The following HERC2 variants were observed in gnomAD, a reference collection of about 807,000 sequenced individuals.
The protein encoded by HERC2 is HECT and RLD domain containing E3 ubiquitin protein ligase 2, also known as E3 ubiquitin-protein ligase HERC2.
A neutral mutation model predicts 537.7 loss-of-function variants in HERC2; 102 were observed. That is an observed-to-expected ratio of 0.19 (90% confidence interval 0.16 to 0.22). HERC2 has a LOEUF of 0.22. Among genes scored for constraint, HERC2 ranks in the 10% least tolerant of loss-of-function variants. The pLI, the probability that HERC2 is intolerant of heterozygous loss-of-function variation, is 1.00. For synonymous variants in HERC2, 2,224 were observed against 2,466.2 expected (o/e 0.90, Z 2.91); for missense variants, 4,236 against 6,198.2 (o/e 0.68, Z 10.63).
At position 28,111,810 on chromosome 15, in the gene HERC2, C is replaced by T. The variant is rs933969761; in HGVS notation, c.14458G>A (p.Asp4820Asn). 21 of 1,614,042 alleles carry T rather than the reference C, an allele frequency of 1.3e-5. No individual in the cohort carries two copies. Among genetic ancestry groups the T allele is most frequent in the South Asian group, 2.2e-5 (2 of 91,088 alleles). Reference sequence around the variant, plus strand: ...TGTGTAGAGTCCGAAGCAAAGGAGTCGACATCCTCGTTATCTGAATCGTCG... The same window carrying T: ...TGTGTAGAGTCCGAAGCAAAGGAGTTGACATCCTCGTTATCTGAATCGTCG... ...SSDDSDNEDV[D>N]SFASDSTQDY... Residue 4820 changes from aspartate (D) to asparagine (N), a missense_variant, in exon 93 of 93, where the codon GAC becomes AAC. Asp to Asn is a conservative substitution (Grantham distance 23, BLOSUM62 1). Coordinates refer to ENST00000261609, the MANE Select transcript of HERC2 (RefSeq NM_004667.6).
chr15:28,216,655 C>T (rs1458029418), intron 38 of HERC2, among the ~76,000 whole-genome samples: 38 of 151,072 alleles, frequency 2.5e-4, no homozygotes, highest in East Asian at 9.7e-4. Flanking sequence ...CCCTCATATG[C>T]ATCCTCACAC....
At chr15:28,229,125 A>T in intron 34 of HERC2, 70 bp downstream of exon 34, 1 of 1,359,076 alleles carries the variant, frequency 7.4e-7, no homozygotes. Context: ...AAAAATTGGC[A>T]TTTGCAAGTT....
At chr15:28,282,598 T>C (rs915964602) in intron 4 of HERC2, among the ~76,000 whole-genome samples, 10 of 152,080 alleles carry the variant, frequency 6.6e-5, no homozygotes, top group Admixed American at 2.6e-4. Context: ...ATCAGTGACA[T>C]AGAAGATAGA....
chr15:28,208,026 C>G (rs192738215), intron 44 of HERC2, among the ~76,000 whole-genome samples: 1 of 152,212 alleles, frequency 6.6e-6, no homozygotes, highest in African/African-American at 2.4e-5. Context: ...GCTGTCACTG[C>G]TCATTGGGCT....
chr15:28,289,877 A>C (rs2076265630), intron 4 of HERC2, among the ~76,000 whole-genome samples: 1 of 152,116 alleles, frequency 6.6e-6, no homozygotes, highest in African/African-American at 2.4e-5. Context: ...AGGACGACAC[A>C]TCTGAGAGGA....
At chr15:28,118,533 T>C (rs1046028654) in intron 86 of HERC2, 1 of 152,268 alleles carries the variant, frequency 6.6e-6, no homozygotes, top group Non-Finnish European at 1.5e-5. Flanking sequence ...TATGTAGTGA[T>C]GTTCAGATCC....
chr15:28,291,935 A>G (rs2076325818), intron 4 of HERC2, among the ~76,000 whole-genome samples: 1 of 126,058 alleles, frequency 7.9e-6, no homozygotes, highest in South Asian at 2.5e-4. Flanking sequence ...AAAAAAAAAA[A>G]GAGGCAAAAG....
intron 69 of HERC2, among the ~76,000 whole-genome samples, chr15:28,158,456 C>G (rs1173059578): frequency 2.0e-5 from 3 of 152,162 alleles, no homozygotes; most frequent in African/African-American, 7.2e-5. Context: ...ATAGTTAGTT[C>G]TTCTTATTGA....
At chr15:28,175,345 A>G (rs746530796) in intron 64 of HERC2, among the ~76,000 whole-genome samples, 167 bp downstream of exon 64, 37 of 152,042 alleles carry the variant, frequency 2.4e-4, no homozygotes, top group Non-Finnish European at 4.3e-4. Context: ...GCAGGCAGAT[A>G]CACCAGTGGG....
rs1903667755 is a variant in HERC2, at chr15:28,245,937, A to C, written c.3521T>G (p.Leu1174Arg). 1 of 1,614,054 alleles carries C rather than the reference A, an allele frequency of 6.2e-7. No homozygotes were observed. Among genetic ancestry groups the C allele is most frequent in the Non-Finnish European group, 8.5e-7 (1 of 1,180,032 alleles). ...LLEHLDRFNH[L>R]APGKERDDHE... ...ATCATCCCGTTCCTTTCCTGGTGCC[A>C]GATGGTTGAACCGATCCAGATGTTC... The change falls in exon 23 of 93, where the codon CTG becomes CGG. Residue 1174 changes from leucine (L) to arginine (R), a missense_variant. This residue lies in a region of HERC2 where 754 missense variants were observed against 1,085.0 expected (regional missense o/e 0.69). Coordinates refer to ENST00000261609, the MANE Select transcript of HERC2 (RefSeq NM_004667.6).
At chr15:28,293,492 CAAAAAAAA>C (rs34632582) in intron 3 of HERC2, among the ~76,000 whole-genome samples, 1 of 88,346 alleles carries the variant, frequency 1.1e-5, no homozygotes, top group Non-Finnish European at 2.5e-5. Flanking sequence ...GACTCTGTCT[CAAAAAAAA>C]AAAAAAAAAA....
intron 79 of HERC2, among the ~76,000 whole-genome samples, chr15:28,134,412 AAGAC>A (rs1198905539): frequency 6.6e-6 from 1 of 152,188 alleles, no homozygotes; most frequent in Non-Finnish European, 1.5e-5. Context: ...TTCTGCAAAA[AAGAC>A]AGTTTTAATT....
intron 4 of HERC2, among the ~76,000 whole-genome samples, chr15:28,280,987 G>A (rs190944264): frequency 6.6e-6 from 1 of 151,956 alleles, no homozygotes; most frequent in African/African-American, 2.4e-5. Flanking sequence ...CTCCTAAACA[G>A]AGAAAAACAC....
At chr15:28,307,464 T>C (rs988846527) in intron 2 of HERC2, among the ~76,000 whole-genome samples, 1 of 152,228 alleles carries the variant, frequency 6.6e-6, no homozygotes, top group African/African-American at 2.4e-5. Context: ...ATTAGGTTAT[T>C]TATTTGAAGT....
At chr15:28,251,942 A>T (rs1467876019) in intron 20 of HERC2, among the ~76,000 whole-genome samples, 1 of 152,224 alleles carries the variant, frequency 6.6e-6, no homozygotes, top group Admixed American at 6.5e-5. Flanking sequence ...AAAAACCATC[A>T]GGGTAGCTTA....
intron 16 of HERC2, among the ~76,000 whole-genome samples, chr15:28,260,148 T>C (rs1398762899): frequency 2.7e-5 from 4 of 150,710 alleles, no homozygotes; most frequent in Non-Finnish European, 4.4e-5. Flanking sequence ...GAGACCAGCC[T>C]GGGCAACATA....
At chr15:28,189,643 CAAAATAGCT>C (rs1333067771) in intron 55 of HERC2, among the ~76,000 whole-genome samples, 4 of 151,990 alleles carry the variant, frequency 2.6e-5, no homozygotes, top group African/African-American at 9.7e-5. Context: ...CTACGTATTT[CAAAATAGCT>C]AAAAGAGAGG....
Position 28,122,734 on chromosome 15 carries a change from C to T in HERC2, c.13188+1303G>A, listed in dbSNP as rs954921303. 1.5e-4 allele frequency among the ~76,000 whole-genome samples: 23 copies of T among 152,264 alleles called. No individual in the cohort carries two copies. Among genetic ancestry groups the T allele is most frequent in the Admixed American group, 4.6e-4 (7 of 15,302 alleles). On this transcript the variant is annotated intron_variant, in intron 85 of 92. Transcript: ENST00000261609. This position sits in a 1 kb window ranked among gnomAD's most constrained non-coding sequence, Gnocchi z 4.1. ...CCAGGACCAGAACCGAGGCTGCCTA[C>T]ACATTCCCTGACCAGAGGTACCTTT...
intron 11 of HERC2, among the ~76,000 whole-genome samples, 166 bp downstream of exon 11, chr15:28,269,082 T>A (rs2075648542): frequency 6.6e-6 from 1 of 152,164 alleles, no homozygotes; most frequent in African/African-American, 2.4e-5. Context: ...ACAACCCAAA[T>A]CTTGACAATA....
Sources: gnomAD v4.1 joint callset for allele counts (sites outside exome capture counted in the v4.1 genomes callset) on GRCh38, gnomAD v4.1.1 for gene constraint, gnomAD v4.1.1 regional missense constraint, Gnocchi (gnomAD v3.1) non-coding constraint, MANE v1.5 for transcripts, NCBI Gene and HGNC (gene_info 2026-07-23, HGNC 2026-07-21) for gene names.